The following PTPRZ1 variants were observed in gnomAD, a reference collection of about 807,000 sequenced individuals.
The protein encoded by PTPRZ1 is protein tyrosine phosphatase receptor type Z1, also known as receptor-type tyrosine-protein phosphatase zeta.
In PTPRZ1, 82 loss-of-function variants were observed where a neutral mutation model predicts 214.1. The observed-to-expected ratio is 0.38, with a 90% CI of 0.32 to 0.46. The LOEUF is 0.46. PTPRZ1 is among the 20% of genes least tolerant of loss of function. The pLI, the probability that PTPRZ1 is intolerant of heterozygous loss-of-function variation, is 1.00. For missense variants in PTPRZ1, 2,603 were observed against 2,748.7 expected, an observed-to-expected ratio of 0.95 and a Z score of 1.19; for synonymous variants, 945 against 987.9, an observed-to-expected ratio of 0.96 and a Z score of 0.81.
chr7:121,994,289 CTT>C (rs35332072), intron 8 of PTPRZ1, among the ~76,000 whole-genome samples: 24 of 75,342 alleles, frequency 3.2e-4, no homozygotes, highest in African/African-American at 1.2e-3. Flanking sequence ...TAATGCATTT[CTT>C]TTTTTTTTTT....
Position 121,976,866 on chromosome 7 carries a change from G to T in PTPRZ1, c.619+15G>T. Reference sequence around the variant, plus strand: ...TAGTCGTTTTGGTAAGCTACTTGGGGAACTATCTTTCTTCAGGATTCTGCT... The same window carrying T: ...TAGTCGTTTTGGTAAGCTACTTGGGTAACTATCTTTCTTCAGGATTCTGCT... On this transcript the variant is annotated intron_variant, in intron 6 of 29. Transcript: ENST00000393386. 1.2e-6 allele frequency: 2 copies of T among 1,604,086 alleles called. No individual in the cohort carries two copies. The highest frequency in any genetic ancestry group is 1.7e-6 in the Non-Finnish European group (2 of 1,174,014).
chr7:121,903,754 C>T (rs1481469386), intron 1 of PTPRZ1, among the ~76,000 whole-genome samples: 1 of 151,988 alleles, frequency 6.6e-6, no homozygotes, highest in African/African-American at 2.4e-5. Flanking sequence ...TAGCTCGAGT[C>T]CTAAAGCAAG....
intron 12 of PTPRZ1, among the ~76,000 whole-genome samples, chr7:122,015,819 G>C (rs1798826754): frequency 6.6e-6 from 1 of 151,800 alleles, no homozygotes; most frequent in Non-Finnish European, 1.5e-5. Context: ...CACTAATTAG[G>C]ATAAAACAAT....
chr7:121,939,855 T>C (rs925188758), intron 2 of PTPRZ1, among the ~76,000 whole-genome samples: 2 of 152,160 alleles, frequency 1.3e-5, no homozygotes, highest in African/African-American at 4.8e-5. Flanking sequence ...GAGATGGTGT[T>C]AATGTAAGGT....
intron 17 of PTPRZ1, among the ~76,000 whole-genome samples, chr7:122,036,263 A>G (rs1799530512): frequency 6.6e-6 from 1 of 152,196 alleles, no homozygotes; most frequent in Admixed American, 6.5e-5. Context: ...TCCATTTAAA[A>G]GACCAACTTC....
At position 121,983,834 on chromosome 7, in the gene PTPRZ1, A is replaced by C; in HGVS notation, c.777+12A>C. 3 of 1,606,712 alleles carry C rather than the reference A, an allele frequency of 1.9e-6. No individual in the cohort carries two copies. Among genetic ancestry groups the C allele is most frequent in the Non-Finnish European group, 2.5e-6 (3 of 1,176,982 alleles). On this transcript the variant is annotated intron_variant, in intron 7 of 29. Coordinates refer to ENST00000393386, the MANE Select transcript of PTPRZ1 (RefSeq NM_002851.3). ...TCTCTGAAAGCCAGGTAATCTTAGAAATTCAAACAAATCAAGTAATTCAAA... is the reference window on the plus strand; with the variant it reads ...TCTCTGAAAGCCAGGTAATCTTAGACATTCAAACAAATCAAGTAATTCAAA...
chr7:122,002,655 C>T (rs185900446), intron 10 of PTPRZ1, among the ~76,000 whole-genome samples: 178 of 152,250 alleles, frequency 1.2e-3, no homozygotes, highest in African/African-American at 3.7e-3. Context: ...TTCCCCAACC[C>T]TTATTACGAT....
intron 17 of PTPRZ1, 59 bp downstream of exon 17, chr7:122,034,437 A>G: frequency 6.6e-7 from 1 of 1,510,148 alleles, no homozygotes. Flanking sequence ...GGTGCCTTTT[A>G]AAAGTGTCCT....
chr7:122,036,315 A>T (rs967555916), intron 17 of PTPRZ1, among the ~76,000 whole-genome samples: 2 of 152,144 alleles, frequency 1.3e-5, no homozygotes, highest in African/African-American at 4.8e-5. Context: ...AAACTAAAAC[A>T]ATTTCTGTTT....
intron 2 of PTPRZ1, among the ~76,000 whole-genome samples, chr7:121,965,960 C>T (rs140797684): frequency 1.9e-4 from 29 of 152,094 alleles, no homozygotes; most frequent in African/African-American, 6.5e-4. Context: ...TAGGTGATGG[C>T]GATATTGCTT....
At chr7:121,985,088 ATAT>A (rs1236984796) in intron 8 of PTPRZ1, among the ~76,000 whole-genome samples, 1 of 152,180 alleles carries the variant, frequency 6.6e-6, no homozygotes, top group Non-Finnish European at 1.5e-5. Flanking sequence ...TTTTAATGTG[ATAT>A]TTCCAAGAAT....
At chr7:121,927,095 T>C (rs568414285) in intron 1 of PTPRZ1, among the ~76,000 whole-genome samples, 2 of 152,258 alleles carry the variant, frequency 1.3e-5, no homozygotes, top group South Asian at 4.1e-4. Flanking sequence ...CCTTGAGATA[T>C]TTGCATCCAA....
At chr7:121,922,868 TA>T in intron 1 of PTPRZ1, among the ~76,000 whole-genome samples, 1 of 152,314 alleles carries the variant, frequency 6.6e-6, no homozygotes, top group East Asian at 1.9e-4. Context: ...TCAGTTAAAA[TA>T]TTTTTTGGAT....
intron 1 of PTPRZ1, among the ~76,000 whole-genome samples, chr7:121,910,528 T>G (rs1287884651): frequency 1.3e-5 from 2 of 152,178 alleles, no homozygotes; most frequent in East Asian, 3.8e-4. Context: ...ACTTTTTATT[T>G]TAATGAGCTA....
chr7:121,909,915 T>C (rs549577014), intron 1 of PTPRZ1, among the ~76,000 whole-genome samples: 16 of 152,312 alleles, frequency 1.1e-4, no homozygotes, highest in African/African-American at 3.1e-4. Flanking sequence ...CTTTCCATTA[T>C]GAGTCTGGCA....
Position 122,038,660 on chromosome 7 carries a change from G to T in PTPRZ1, c.5368-95G>T, listed in dbSNP as rs371306391. The T allele has an allele frequency of 2.3e-5, 28 of 1,228,146 alleles. No individual in the cohort carries two copies. In the East Asian group the frequency reaches 4.2e-4, roughly 18 times the overall value. The allele number at this position is 1,228,146 out of a possible 1,614,324, so 76.1% of individuals were successfully genotyped here. A position where few individuals can be genotyped will look rare whatever the true frequency, so the allele number is the denominator to read the frequency against. On this transcript the variant is annotated intron_variant, in intron 18 of 29. Coordinates refer to ENST00000393386, the MANE Select transcript of PTPRZ1 (RefSeq NM_002851.3). ...TTTATTTTTTATGGTTTTCTTTTAC[G>T]AAAAATTATGCTGACCTTAAAAACT... is the stretch of plus-strand genomic sequence containing the variant.
intron 8 of PTPRZ1, among the ~76,000 whole-genome samples, chr7:121,993,881 A>G (rs964556806): frequency 1.3e-5 from 2 of 152,192 alleles, no homozygotes; most frequent in Non-Finnish European, 2.9e-5. Flanking sequence ...GTGTCTCCAC[A>G]TCTAAAATAA....
intron 3 of PTPRZ1, among the ~76,000 whole-genome samples, chr7:121,970,754 C>T (rs1174975280): frequency 6.6e-6 from 1 of 152,010 alleles, no homozygotes; most frequent in Non-Finnish European, 1.5e-5. Flanking sequence ...CTGTAGGTTG[C>T]CTGTTCACTC....
At chr7:122,022,536 G>A (rs1464971176) in intron 13 of PTPRZ1, among the ~76,000 whole-genome samples, 2 of 152,064 alleles carry the variant, frequency 1.3e-5, no homozygotes, top group Admixed American at 1.3e-4. Context: ...TGAGTTGTGT[G>A]TTTTTATATA....
Sources: gnomAD v4.1 joint callset for allele counts (sites outside exome capture counted in the v4.1 genomes callset) on GRCh38, gnomAD v4.1.1 for gene constraint, MANE v1.5 for transcripts, NCBI Gene and HGNC (gene_info 2026-07-23, HGNC 2026-07-21) for gene names.